BMS1: variants seen among roughly 807,000 people sequenced by gnomAD.
The protein encoded by BMS1 is BMS1 ribosome biogenesis factor, also known as ribosome biogenesis protein BMS1 homolog.
Under a neutral mutation model 138.7 loss-of-function variants are expected in BMS1, and 53 were observed. That is an observed-to-expected ratio of 0.38 (90% CI 0.31 to 0.48). The LOEUF is 0.48. BMS1 is among the 20% of genes least tolerant of loss of function. BMS1 has a pLI of 0.97. For missense variants in BMS1, 1,360 were observed against 1,565.5 expected (o/e 0.87, Z 2.22); for synonymous variants, 504 against 539.9 (o/e 0.93, Z 0.92).
chr10:42,821,542 CTTTTTTTTTTT>C (rs34272995), intron 18 of BMS1, among the ~76,000 whole-genome samples: 1 of 68,594 alleles, frequency 1.5e-5, no homozygotes, highest in African/African-American at 6.2e-5. Context: ...CTCAAGGCGC[CTTTTTTTTTTT>C]TTTTTTTTTT....
At chr10:42,827,230 C>G (rs1357924296) in intron 21 of BMS1, among the ~76,000 whole-genome samples, 4 of 152,152 alleles carry the variant, frequency 2.6e-5, no homozygotes, top group African/African-American at 9.7e-5. Context: ...TGAAGCAGCA[C>G]AAGACCCTCG....
At chr10:42,810,096 C>G (rs1842128405) in intron 13 of BMS1, among the ~76,000 whole-genome samples, 1 of 152,078 alleles carries the variant, frequency 6.6e-6, no homozygotes, top group Admixed American at 6.6e-5. Flanking sequence ...GCCACCGCAC[C>G]TGGCCTGATT....
intron 13 of BMS1, among the ~76,000 whole-genome samples, chr10:42,814,715 A>G (rs1267979626): frequency 6.6e-6 from 1 of 152,200 alleles, no homozygotes; most frequent in Non-Finnish European, 1.5e-5. Context: ...TTTGGCTTAT[A>G]TGTATCACTG....
intron 21 of BMS1, among the ~76,000 whole-genome samples, chr10:42,827,923 G>T (rs1398856275): frequency 6.6e-6 from 1 of 152,146 alleles, no homozygotes; most frequent in Non-Finnish European, 1.5e-5. Flanking sequence ...CCATATACAT[G>T]TATTTTTAAA....
chr10:42,807,465 G>GTTTGT (rs887013423), intron 13 of BMS1, among the ~76,000 whole-genome samples: 24 of 152,028 alleles, frequency 1.6e-4, no homozygotes, highest in East Asian at 7.7e-4. Context: ...GTTGTTTACA[G>GTTTGT]TTTGTTTTGT....
At chr10:42,811,564 G>A (rs374616821) in intron 13 of BMS1, among the ~76,000 whole-genome samples, 4 of 107,242 alleles carry the variant, frequency 3.7e-5, no homozygotes, top group Admixed American at 1.3e-4. Flanking sequence ...TCGCTCTGTC[G>A]CCCAGGCTGG....
At position 42,832,774 on chromosome 10, in the gene BMS1, C is replaced by G. The variant is rs1842823042; in HGVS notation, c.*1678C>G. ...ACCTCTCTGGGCAACTCTGGGTGTA[C>G]ATTTTCCTCTGTTCCTCAAGAGCTA... On this transcript the variant is annotated 3_prime_UTR_variant, in exon 23 of 23. Transcript: ENST00000374518. The G allele has an allele frequency of 6.6e-6, 1 of 152,188 alleles. No homozygotes were observed. The highest frequency in any genetic ancestry group is 1.5e-5 in the Non-Finnish European group (1 of 68,040). The allele number at this position is 152,188 out of a possible 1,614,324, so 9.4% of individuals were successfully genotyped here. A position where few individuals can be genotyped will look rare whatever the true frequency, so the allele number is the denominator to read the frequency against.
intron 13 of BMS1, among the ~76,000 whole-genome samples, chr10:42,812,214 T>C (rs1305402332): frequency 6.6e-6 from 1 of 152,224 alleles, no homozygotes; most frequent in Non-Finnish European, 1.5e-5. Flanking sequence ...GGCATGAACA[T>C]GACTCACTGC....
At chr10:42,798,794 A>G (rs1458566952) in intron 12 of BMS1, among the ~76,000 whole-genome samples, 169 bp downstream of exon 12, 1 of 152,220 alleles carries the variant, frequency 6.6e-6, no homozygotes, top group Non-Finnish European at 1.5e-5. Flanking sequence ...AAGCAGTAAC[A>G]TGTTCTGAGT....
chr10:42,785,538 T>C lies in BMS1; in HGVS notation c.233T>C (p.Leu78Pro), dbSNP rs1206276598. ...ATTCCAGTGGTTGATCGAACTCCAC[T>C]AGAGCCCCCACCAATAGTGGTAGTG... Reference protein sequence around the residue: ...HHIPVVDRTPLEPPPIVVVVM... With the variant: ...HHIPVVDRTPPEPPPIVVVVM... Residue 78 changes from leucine (L) to proline (P), a missense_variant, in exon 3 of 23, where the codon CTA (leucine) becomes CCA (proline). This residue lies in a region of BMS1 where 238 missense variants were observed against 311.1 expected (regional missense o/e 0.77). Transcript: ENST00000374518. The C allele has an allele frequency of 6.2e-7, 1 of 1,613,960 alleles. No individual in the cohort carries two copies. Among genetic ancestry groups the C allele is most frequent in the Non-Finnish European group, 8.5e-7 (1 of 1,179,856 alleles).
chr10:42,792,021 C>T (rs1459882453), intron 6 of BMS1, among the ~76,000 whole-genome samples: 2 of 152,194 alleles, frequency 1.3e-5, no homozygotes, highest in African/African-American at 2.4e-5. Context: ...CCCCATCCTA[C>T]GTTCAGCCTC....
chr10:42,804,055 T>C (rs1841947874), intron 13 of BMS1, among the ~76,000 whole-genome samples: 1 of 152,276 alleles, frequency 6.6e-6, no homozygotes, highest in Non-Finnish European at 1.5e-5. Context: ...GATTCATCCA[T>C]GCTGTTGCAT....
At chr10:42,820,831 A>C in intron 17 of BMS1, 103 bp from the exon 18 acceptor site, 3 of 1,211,212 alleles carry the variant, frequency 2.5e-6, no homozygotes, top group Non-Finnish European at 3.6e-6. Flanking sequence ...TTTGGAGTAT[A>C]TATGTAAATC....
At chr10:42,803,401 A>C (rs1239054257) in intron 13 of BMS1, among the ~76,000 whole-genome samples, 1 of 152,102 alleles carries the variant, frequency 6.6e-6, no homozygotes, top group South Asian at 2.1e-4. Context: ...AGCCTTCCAA[A>C]GTGCTGGGAT....
intron 4 of BMS1, 146 bp downstream of exon 4, chr10:42,787,393 G>A (rs1157041752): frequency 1.4e-6 from 1 of 711,906 alleles, no homozygotes; most frequent in Non-Finnish European, 2.5e-6. Context: ...TGATTGAATT[G>A]ATGATAATTA....
At chr10:42,806,747 A>G (rs1206217869) in intron 13 of BMS1, among the ~76,000 whole-genome samples, 2 of 151,980 alleles carry the variant, frequency 1.3e-5, no homozygotes, top group Non-Finnish European at 2.9e-5. Flanking sequence ...GAAAAAAAAA[A>G]AAAAAAAAAA....
In BMS1 at chr10:42,796,840, A is replaced by G; in HGVS notation, c.1596A>G (p.Ala532=). The change falls in exon 10 of 23, where the codon GCA becomes GCG. Residue 532 remains alanine (A), a synonymous_variant. Coordinates refer to ENST00000374518, the MANE Select transcript of BMS1 (RefSeq NM_014753.4). The part of the protein sequence containing the change: ...DESSEEEDCT[A]GEKGISGSKA... Reference sequence around the variant, plus strand: ...GCAGTGAAGAAGAGGACTGCACTGCAGGAGAGAAGGGCATTTCAGGATCAA... The same window carrying G: ...GCAGTGAAGAAGAGGACTGCACTGCGGGAGAGAAGGGCATTTCAGGATCAA... 1 of 1,614,230 alleles carries G rather than the reference A, an allele frequency of 6.2e-7. No individual in the cohort carries two copies. Among genetic ancestry groups the G allele is most frequent in the Non-Finnish European group, 8.5e-7 (1 of 1,180,038 alleles).
At chr10:42,818,701 A>G (rs1451661108) in intron 15 of BMS1, among the ~76,000 whole-genome samples, 1 of 152,110 alleles carries the variant, frequency 6.6e-6, no homozygotes, top group African/African-American at 2.4e-5. Context: ...AGGTCTGGAG[A>G]GAGGTCTGGC....
chr10:42,802,020 G>A, intron 12 of BMS1, 117 bp from the exon 13 acceptor site: 1 of 688,610 alleles, frequency 1.5e-6, no homozygotes, highest in Non-Finnish European at 2.5e-6. Context: ...TTTGGAATGA[G>A]AATATCCATG....
Sources: gnomAD v4.1 joint callset for allele counts (sites outside exome capture counted in the v4.1 genomes callset) on GRCh38, gnomAD v4.1.1 for gene constraint, gnomAD v4.1.1 regional missense constraint, MANE v1.5 for transcripts, NCBI Gene and HGNC (gene_info 2026-07-23, HGNC 2026-07-21) for gene names.